Variants in PARD3 observed in about 807,000 individuals in gnomAD.
The protein encoded by PARD3 is partitioning defective 3 homolog.
In PARD3, 75 loss-of-function variants were observed where a neutral mutation model predicts 155.4. That is an observed-to-expected ratio of 0.48 (90% CI 0.40 to 0.58). The LOEUF (loss-of-function observed/expected upper bound fraction) is 0.58, where lower values mean the gene tolerates loss of function less well. Among genes scored for constraint, PARD3 ranks in the 20% least tolerant of loss-of-function variants. The probability of loss-of-function intolerance (pLI) is 0.00; values close to 1 mark genes in which losing one functional copy is unlikely to be tolerated. For synonymous variants in PARD3, 576 were observed against 610.5 expected (o/e 0.94, Z 0.83); for missense variants, 1,642 against 1,721.7 (o/e 0.95, Z 0.82).
At chr10:34,426,167 C>G (rs370443268) in intron 5 of PARD3, among the ~76,000 whole-genome samples, 8 of 152,160 alleles carry the variant, frequency 5.3e-5, no homozygotes, top group Admixed American at 5.2e-4. Flanking sequence ...ATCTCTATCA[C>G]TTACTAGGTA....
At chr10:34,541,623 G>A (rs1412301750) in intron 2 of PARD3, among the ~76,000 whole-genome samples, 2 of 152,154 alleles carry the variant, frequency 1.3e-5, no homozygotes, top group East Asian at 3.9e-4. Flanking sequence ...AGATTATAGG[G>A]AGGAGGCCCC....
At chr10:34,719,599 ACC>A (rs1161729453) in intron 1 of PARD3, among the ~76,000 whole-genome samples, 2 of 152,136 alleles carry the variant, frequency 1.3e-5, no homozygotes, top group African/African-American at 2.4e-5. Context: ...AGAAACCACC[ACC>A]TACCTTTTTA....
intron 12 of PARD3, among the ~76,000 whole-genome samples, chr10:34,360,923 G>A (rs2134503896): frequency 6.6e-6 from 1 of 152,236 alleles, no homozygotes; most frequent in South Asian, 2.1e-4. Context: ...TAACTTCATA[G>A]TCACCAAGCA....
intron 5 of PARD3, among the ~76,000 whole-genome samples, chr10:34,434,651 G>A (rs1288903674): frequency 7.2e-5 from 11 of 152,328 alleles, no homozygotes; most frequent in Non-Finnish European, 1.5e-4. Context: ...GTGTTGTGTA[G>A]TGACCCAGGT....
At chr10:34,604,183 C>T (rs1401852185) in intron 2 of PARD3, among the ~76,000 whole-genome samples, 1 of 152,238 alleles carries the variant, frequency 6.6e-6, no homozygotes, top group African/African-American at 2.4e-5. Context: ...GAGAAGGAAA[C>T]TGGGTATGAG....
At chr10:34,157,484 G>T (rs770191336) in intron 22 of PARD3, among the ~76,000 whole-genome samples, 16 of 152,174 alleles carry the variant, frequency 1.1e-4, no homozygotes, top group Non-Finnish European at 2.4e-4. Context: ...CCAGCCATGT[G>T]CACCTTTTTC....
intron 1 of PARD3, among the ~76,000 whole-genome samples, chr10:34,732,910 T>C (rs2094844825): frequency 6.6e-6 from 1 of 151,948 alleles, no homozygotes; most frequent in Non-Finnish European, 1.5e-5. Flanking sequence ...CCACTACAAA[T>C]AGCAACATGA....
intron 15 of PARD3, chr10:34,346,578 T>C: frequency 8.8e-7 from 1 of 1,138,500 alleles, no homozygotes; most frequent in Non-Finnish European, 1.1e-6. Flanking sequence ...AAGATAAAGA[T>C]TTATACCAAA....
At chr10:34,798,899 T>C (rs1223831623) in intron 1 of PARD3, among the ~76,000 whole-genome samples, 1 of 151,892 alleles carries the variant, frequency 6.6e-6, no homozygotes, top group Non-Finnish European at 1.5e-5. Flanking sequence ...CCAGGAGTCC[T>C]CCAACCCGGC....
intron 1 of PARD3, among the ~76,000 whole-genome samples, chr10:34,790,914 C>T (rs1841540924): frequency 6.6e-6 from 1 of 152,232 alleles, no homozygotes; most frequent in Non-Finnish European, 1.5e-5. Context: ...GCCATCCCTT[C>T]CATCCCAGCC....
chr10:34,168,765 T>C (rs1949654898), intron 22 of PARD3, among the ~76,000 whole-genome samples: 1 of 152,240 alleles, frequency 6.6e-6, no homozygotes, highest in Non-Finnish European at 1.5e-5. Context: ...TGCCTTTGTC[T>C]TTTCAACACC....
intron 22 of PARD3, among the ~76,000 whole-genome samples, chr10:34,239,944 A>AT (rs1363166487): frequency 3.3e-5 from 5 of 152,232 alleles, no homozygotes; most frequent in Non-Finnish European, 7.3e-5. Context: ...GATCATGGAC[A>AT]TCTGTCATAG....
At chr10:34,370,815 T>G (rs973092076) in intron 12 of PARD3, among the ~76,000 whole-genome samples, 1 of 142,158 alleles carries the variant, frequency 7.0e-6, no homozygotes, top group Non-Finnish European at 1.5e-5. Context: ...GGGGTGTGTG[T>G]GTGTGTGTGT....
chr10:34,535,082 A>G (rs952615433), intron 2 of PARD3, among the ~76,000 whole-genome samples: 1 of 152,208 alleles, frequency 6.6e-6, no homozygotes, highest in African/African-American at 2.4e-5. Flanking sequence ...CCCAGGGTTT[A>G]AGAATAATAT....
chr10:34,624,980 C>T (rs1333868621), intron 2 of PARD3, among the ~76,000 whole-genome samples: 9 of 152,188 alleles, frequency 5.9e-5, no homozygotes, highest in Non-Finnish European at 1.2e-4. Context: ...GCTGCAAAGA[C>T]ATACAAGAGC....
intron 22 of PARD3, among the ~76,000 whole-genome samples, chr10:34,196,725 C>T (rs1007587082): frequency 1.3e-5 from 2 of 151,960 alleles, no homozygotes; most frequent in Non-Finnish European, 2.9e-5. Context: ...AGGTGCCCGC[C>T]ACCACACTTG....
chr10:34,336,402 G>A (rs1286595682), intron 17 of PARD3, 159 bp from the exon 18 acceptor site: 29 of 565,040 alleles, frequency 5.1e-5, no homozygotes, highest in Admixed American at 1.0e-4. Flanking sequence ...CAAAAAAGGA[G>A]GAAAAAAAAG....
chr10:34,412,421 C>T (rs1266138384), intron 5 of PARD3, among the ~76,000 whole-genome samples: 1 of 152,204 alleles, frequency 6.6e-6, no homozygotes. Flanking sequence ...AGGACCCACA[C>T]TTTACCTCCC....
intron 22 of PARD3, among the ~76,000 whole-genome samples, chr10:34,133,950 GTCTT>G (rs1947751186): frequency 6.6e-6 from 1 of 152,116 alleles, no homozygotes; most frequent in South Asian, 2.1e-4. Context: ...ATAAAAGCTT[GTCTT>G]TCTTTGCTTT....
Sources: allele counts gnomAD v4.1 joint callset (sites outside exome capture counted in the v4.1 genomes callset), GRCh38; gene constraint gnomAD v4.1.1; transcripts MANE v1.5; gene names NCBI Gene and HGNC (gene_info 2026-07-23, HGNC 2026-07-21).